KCNAB2: variants seen among roughly 807,000 people sequenced by gnomAD.
KCNAB2 encodes the protein potassium voltage-gated channel subfamily A regulatory beta subunit 2, also known as voltage-gated potassium channel subunit beta-2.
KCNAB2 carries 29 observed loss-of-function variants against 63.6 expected under a neutral mutation model. The observed-to-expected ratio is 0.46, with a 90% confidence interval of 0.34 to 0.62. The LOEUF is 0.62. KCNAB2 is among the 20% of genes least tolerant of loss of function. The pLI is 0.01. For synonymous variants in KCNAB2, 222 were observed against 224.2 expected, an observed-to-expected ratio of 0.99 and a Z score of 0.09; for missense variants, 359 against 563.9, an observed-to-expected ratio of 0.64 and a Z score of 3.68.
chr1:6,003,120 C>A lies in KCNAB2; in HGVS notation c.-53+10332C>A, dbSNP rs1028348561. Among the ~76,000 whole-genome samples, 15 of 152,222 alleles carry A rather than the reference C, an allele frequency of 9.9e-5. No homozygotes were observed. The highest frequency in any genetic ancestry group is 1.6e-4 in the Non-Finnish European group (11 of 68,028). Reference sequence around the variant, plus strand: ...TCACGGGGCGGGCGCTCGCCCTTGGCCTCGCTCCTGAGCCACAGTCACCAG... The same window carrying A: ...TCACGGGGCGGGCGCTCGCCCTTGGACTCGCTCCTGAGCCACAGTCACCAG... On this transcript the variant is annotated intron_variant, in intron 1 of 16. Coordinates refer to the KCNAB2 transcript ENST00000341524. The surrounding 1 kb of genome is among the most constrained non-coding windows in gnomAD (Gnocchi z 4.1).
chr1:6,090,565 C>CA, intron 9 of KCNAB2, 90 bp downstream of exon 9: 5 of 988,242 alleles, frequency 5.1e-6, no homozygotes, highest in Non-Finnish European at 7.8e-6. Context: ...AGCATGGGCC[C>CA]TGCTGGGCAC....
upstream of KCNAB2, among the ~76,000 whole-genome samples, chr1:6,033,977 G>A (rs1226442724): frequency 1.3e-5 from 2 of 152,198 alleles, no homozygotes; most frequent in Admixed American, 6.5e-5. Context: ...CTTGGACCCT[G>A]GGCCCTGCAC....
At chr1:6,037,873 T>TTC (rs1660175168) in intron 1 of KCNAB2, among the ~76,000 whole-genome samples, 1 of 98,032 alleles carries the variant, frequency 1.0e-5, no homozygotes, top group South Asian at 3.0e-4. Context: ...AATGAGGGTC[T>TTC]TTTTTTTTTT....
At chr1:6,066,227 C>T (rs571298642) in intron 2 of KCNAB2, among the ~76,000 whole-genome samples, 1 of 152,348 alleles carries the variant, frequency 6.6e-6, no homozygotes, top group African/African-American at 2.4e-5. Context: ...GGTGCAGAGC[C>T]TCCCGTGTGC....
At position 6,069,643 on chromosome 1, in the gene KCNAB2, C is replaced by T. The variant is rs539374441; in HGVS notation, c.219-3112C>T. ...CTCTGTGTCTGGGAAGTTTCAAGTA[C>T]AGCAGGGAGCAGCCCCATCCAGACC... is the stretch of plus-strand genomic sequence containing the variant. On this transcript the variant is annotated intron_variant, in intron 2 of 15. Transcript: ENST00000378083. The surrounding 1 kb of genome is among the most constrained non-coding windows in gnomAD (Gnocchi z 5.4). Among the ~76,000 whole-genome samples the T allele has an allele frequency of 2.6e-5, 4 of 152,332 alleles. No individual in the cohort carries two copies. In the East Asian group the frequency reaches 7.7e-4, roughly 29 times the overall value.
At position 6,098,589 on chromosome 1, in the gene KCNAB2, C is replaced by G; in HGVS notation, c.*15C>G. The G allele has an allele frequency of 3.1e-6, 5 of 1,612,606 alleles. No individual in the cohort carries two copies. Among genetic ancestry groups the G allele is most frequent in the Non-Finnish European group, 3.4e-6 (4 of 1,179,320 alleles). On this transcript the variant is annotated 3_prime_UTR_variant, in exon 16 of 16. Coordinates refer to ENST00000378083, the MANE Select transcript of KCNAB2 (RefSeq NM_001199862.2). ...ACAGATCCTAAGCCGCCCCCGCCCGCCTGCTCGGACAGTTTCCGTTCCCTC... is the reference window on the plus strand; with the variant it reads ...ACAGATCCTAAGCCGCCCCCGCCCGGCTGCTCGGACAGTTTCCGTTCCCTC...
chr1:5,998,318 C>T (rs1021372150), intron 1 of KCNAB2, among the ~76,000 whole-genome samples: 1 of 152,206 alleles, frequency 6.6e-6, no homozygotes, highest in Non-Finnish European at 1.5e-5. Flanking sequence ...TGGCTGGGTC[C>T]ACCTGGGCTG....
At chr1:6,080,510 A>G (rs72862376) in intron 4 of KCNAB2, among the ~76,000 whole-genome samples, 5,746 of 152,204 alleles carry the variant, frequency 0.038, 347 homozygotes, top group African/African-American at 0.13. Context: ...GGATCCTGAA[A>G]ACCGACGGCC....
chr1:6,066,836 G>A (rs1447725152), intron 2 of KCNAB2, among the ~76,000 whole-genome samples: 2 of 152,256 alleles, frequency 1.3e-5, no homozygotes, highest in Admixed American at 6.5e-5. Flanking sequence ...TCTTGCTCCA[G>A]CAGGCACAGG....
At chr1:6,053,063 G>A (rs969632153) in intron 2 of KCNAB2, among the ~76,000 whole-genome samples, 2 of 152,056 alleles carry the variant, frequency 1.3e-5, no homozygotes, top group African/African-American at 2.4e-5. Context: ...TGAATATGTG[G>A]TTGTAATTTA....
intron 1 of KCNAB2, among the ~76,000 whole-genome samples, chr1:6,005,595 C>T (rs929456684): frequency 2.0e-5 from 3 of 151,926 alleles, no homozygotes; most frequent in Admixed American, 1.3e-4. Flanking sequence ...TCCCCTCTCT[C>T]CCCTCCTGCT....
intron 1 of KCNAB2, among the ~76,000 whole-genome samples, chr1:5,995,683 A>T (rs1329870728): frequency 6.6e-6 from 1 of 152,198 alleles, no homozygotes; most frequent in Non-Finnish European, 1.5e-5. Context: ...TGGTGGGATG[A>T]AGGAAAGGAG....
At chr1:5,999,824 C>T (rs1657136053) in intron 1 of KCNAB2, among the ~76,000 whole-genome samples, 1 of 152,098 alleles carries the variant, frequency 6.6e-6, no homozygotes, top group Admixed American at 6.5e-5. Context: ...CCTGCCTGCG[C>T]CCTGTCTGTA....
rs1245087433 is a variant in KCNAB2, at chr1:6,074,404, G to T, written c.300+634G>T. Among the ~76,000 whole-genome samples, 1 of 152,224 alleles carries T rather than the reference G, an allele frequency of 6.6e-6. No homozygotes were observed. Among genetic ancestry groups the T allele is most frequent in the Non-Finnish European group, 1.5e-5 (1 of 68,050 alleles). On this transcript the variant is annotated intron_variant, in intron 4 of 15. Coordinates refer to ENST00000378083, the MANE Select transcript of KCNAB2 (RefSeq NM_001199862.2). This position sits in a 1 kb window ranked among gnomAD's most constrained non-coding sequence, Gnocchi z 4.9. ...TCTCGGAAGGACAGGGACGGCACAC[G>T]CCCAGACATGTGTGCTTCTGGACAG...
In KCNAB2 at chr1:6,050,436, A is replaced by T. The variant is rs541178927; in HGVS notation, c.-26-1075A>T. Among the ~76,000 whole-genome samples the T allele has an allele frequency of 7.2e-5, 11 of 152,076 alleles. No homozygotes were observed. The East Asian group carries it at 2.1e-3, about 29-fold the overall frequency. On this transcript the variant is annotated intron_variant, in intron 1 of 15. Coordinates refer to ENST00000378083, the MANE Select transcript of KCNAB2 (RefSeq NM_001199862.2). ...CCATGTCCTCATTGCGCTGTCACAG[A>T]CTCTGCAGGGTGAGGACTCAGCCCC...
chr1:6,059,634 A>AGC (rs1553125795), intron 2 of KCNAB2, among the ~76,000 whole-genome samples: 5 of 151,862 alleles, frequency 3.3e-5, no homozygotes, highest in African/African-American at 1.2e-4. Context: ...TACGTCTCAA[A>AGC]GGGTGCTTCT....
At position 6,099,729 on chromosome 1, in the gene KCNAB2, C is replaced by T; in HGVS notation, c.*1155C>T. 2 of 1,446,566 alleles carry T rather than the reference C, an allele frequency of 1.4e-6. No individual in the cohort carries two copies. The highest frequency in any genetic ancestry group is 2.9e-5 in the Admixed American group (1 of 35,002). 89.6% of individuals were successfully genotyped at this position (1,446,566 alleles called of 1,614,324 possible). On this transcript the variant is annotated 3_prime_UTR_variant, in exon 16 of 16. Transcript: ENST00000378083. Reference sequence around the variant, plus strand: ...GGGGGCTGCACCCCCACAGCACCCCCACAATGTAGGAAAAGACCTCAGGGA... The same window carrying T: ...GGGGGCTGCACCCCCACAGCACCCCTACAATGTAGGAAAAGACCTCAGGGA...
chr1:6,038,636 G>A (rs1660247186), intron 1 of KCNAB2, among the ~76,000 whole-genome samples: 2 of 152,106 alleles, frequency 1.3e-5, no homozygotes, highest in South Asian at 4.2e-4. Context: ...TGCTCACATC[G>A]CTCACTCAGA....
rs1664830750 is a variant in KCNAB2, at chr1:6,087,799, A to G, written c.470+288A>G. Among the ~76,000 whole-genome samples the G allele has an allele frequency of 6.6e-6, 1 of 152,222 alleles. No homozygotes were observed. Among genetic ancestry groups the G allele is most frequent in the Non-Finnish European group, 1.5e-5 (1 of 68,038 alleles). ...GCTGTGGCCGAGTTTGCCTTTTACA[A>G]AAACCTCGCTTAACTTTCCTTTTTA... On this transcript the variant is annotated intron_variant, in intron 7 of 15. Transcript: ENST00000378083. This position sits in a 1 kb window ranked among gnomAD's most constrained non-coding sequence, Gnocchi z 6.4.
Sources: allele counts gnomAD v4.1 joint callset (sites outside exome capture counted in the v4.1 genomes callset), GRCh38; gene constraint gnomAD v4.1.1; non-coding constraint Gnocchi (gnomAD v3.1); transcripts MANE v1.5; gene names NCBI Gene and HGNC (gene_info 2026-07-23, HGNC 2026-07-21).